The following EDEM3 variants were observed in gnomAD, a reference collection of about 807,000 sequenced individuals.
The protein encoded by EDEM3 is ER degradation-enhancing alpha-mannosidase-like protein 3.
Under a neutral mutation model 110.2 loss-of-function variants are expected in EDEM3, and 60 were observed. That is an observed-to-expected ratio of 0.54 (90% CI 0.44 to 0.67). The LOEUF is 0.67. Among genes scored for constraint, EDEM3 ranks in the 30% least tolerant of loss-of-function variants. EDEM3 has a pLI of 0.00. For synonymous variants in EDEM3, 352 were observed against 382.9 expected (o/e 0.92, Z 0.94); for missense variants, 996 against 1,121.0 (o/e 0.89, Z 1.59).
At chr1:184,730,178 C>A (rs1440183072) in intron 6 of EDEM3, among the ~76,000 whole-genome samples, 1 of 152,186 alleles carries the variant, frequency 6.6e-6, no homozygotes, top group Non-Finnish European at 1.5e-5. Flanking sequence ...AATTGGGCAA[C>A]AAGTACCTGA....
intron 18 of EDEM3, among the ~76,000 whole-genome samples, chr1:184,703,918 T>C (rs952299046): frequency 6.6e-6 from 1 of 152,132 alleles, no homozygotes; most frequent in Non-Finnish European, 1.5e-5. Context: ...ATGGCCATTT[T>C]GGAACTGAGG....
chr1:184,723,865 T>TTA lies in EDEM3; in HGVS notation c.748-10_748-9insTA, dbSNP rs1651041444. ...GCTTTTCTGGCATATTCCTGTAATTTAAAAAAAAAAAAAAAAAAAAGAAGT... is the reference window on the plus strand; with the variant it reads ...GCTTTTCTGGCATATTCCTGTAATTTTAAAAAAAAAAAAAAAAAAAAAGAAGT... On this transcript the variant is annotated splice_polypyrimidine_tract_variant and intron_variant, in intron 7 of 19. Transcript: ENST00000318130. 7.3e-6 allele frequency: 8 copies of TTA among 1,091,074 alleles called. No individual in the cohort carries two copies. In the East Asian group the frequency reaches 9.9e-5, roughly 13 times the overall value. 67.6% of individuals were successfully genotyped at this position (1,091,074 alleles called of 1,614,324 possible). A position where few individuals can be genotyped will look rare whatever the true frequency, so the allele number is the denominator to read the frequency against.
At position 184,711,731 on chromosome 1, in the gene EDEM3, G is replaced by A; in HGVS notation, c.1683C>T (p.Ile561=). ...AAAATAATACATCTTACACTCTGAT[G>A]ATGCCTCTAGGACAGCTCTTATCCA... ...NVVDKSCPRG[I]IRVEESFRSG... The change falls in exon 15 of 20, where the codon ATC becomes ATT. Residue 561 remains isoleucine (I), a synonymous_variant. Transcript: ENST00000318130. 2 of 1,597,624 alleles carry A rather than the reference G, an allele frequency of 1.3e-6. No individual in the cohort carries two copies. The highest frequency in any genetic ancestry group is 1.7e-6 in the Non-Finnish European group (2 of 1,174,640).
chr1:184,754,272 G>C (rs995091036), intron 1 of EDEM3, among the ~76,000 whole-genome samples: 1 of 152,142 alleles, frequency 6.6e-6, no homozygotes, highest in African/African-American at 2.4e-5. Flanking sequence ...CATGTCACCG[G>C]CGGCCAGGGC....
At chr1:184,724,050 T>C (rs774202221) in intron 7 of EDEM3, among the ~76,000 whole-genome samples, 194 bp from the exon 8 acceptor site, 1 of 151,990 alleles carries the variant, frequency 6.6e-6, no homozygotes, top group African/African-American at 2.4e-5. Context: ...AACCAATCAG[T>C]GTAGTTAGGA....
At chr1:184,732,223 G>T (rs975438768) in intron 6 of EDEM3, among the ~76,000 whole-genome samples, 5 of 151,960 alleles carry the variant, frequency 3.3e-5, no homozygotes, top group African/African-American at 1.2e-4. Context: ...GACAAATTTT[G>T]AATGTTCTTA....
At chr1:184,725,372 G>A (rs1047090427) in intron 7 of EDEM3, among the ~76,000 whole-genome samples, 1 of 152,064 alleles carries the variant, frequency 6.6e-6, no homozygotes, top group African/African-American at 2.4e-5. Context: ...ATCTGAGAGT[G>A]TAGTTATTAA....
chr1:184,738,380 C>A (rs1409457864), intron 2 of EDEM3, among the ~76,000 whole-genome samples: 1 of 152,140 alleles, frequency 6.6e-6, no homozygotes, highest in Non-Finnish European at 1.5e-5. Context: ...TACCCTGACT[C>A]CAGAGTCTAT....
intron 1 of EDEM3, 28 bp from the exon 2 acceptor site, chr1:184,749,620 A>G (rs1424969437): frequency 1.5e-5 from 12 of 801,894 alleles, no homozygotes; most frequent in South Asian, 3.3e-5. Context: ...GAAATGGAAA[A>G]AAAAAAAAAA....
intron 18 of EDEM3, among the ~76,000 whole-genome samples, chr1:184,705,265 G>A (rs1056011758): frequency 2.0e-5 from 3 of 152,140 alleles, no homozygotes; most frequent in African/African-American, 7.2e-5. Flanking sequence ...TGATAGTGAT[G>A]GTTAATATAA....
chr1:184,752,019 C>T (rs1223158185), intron 1 of EDEM3, among the ~76,000 whole-genome samples: 1 of 152,180 alleles, frequency 6.6e-6, no homozygotes, highest in Non-Finnish European at 1.5e-5. Flanking sequence ...TCCCAAAGTG[C>T]TGGGATTACA....
chr1:184,723,937 A>G (rs1185014869), intron 7 of EDEM3, 81 bp from the exon 8 acceptor site: 5 of 1,041,196 alleles, frequency 4.8e-6, no homozygotes, highest in African/African-American at 1.7e-5. Flanking sequence ...AAACTAACAA[A>G]CAAAACTCAA....
In EDEM3 at chr1:184,721,277, G is replaced by C. The variant is rs566082358; in HGVS notation, c.951+12C>G. Reference sequence around the variant, plus strand: ...GAAGTTGATTATAAAATATAAAATTGTATCAACTTACTGTGTTAAATCTTT... The same window carrying C: ...GAAGTTGATTATAAAATATAAAATTCTATCAACTTACTGTGTTAAATCTTT... On this transcript the variant is annotated intron_variant, in intron 9 of 19. Coordinates refer to ENST00000318130, the MANE Select transcript of EDEM3 (RefSeq NM_025191.4). 1.9e-6 allele frequency: 3 copies of C among 1,575,214 alleles called. No homozygotes were observed. The highest frequency in any genetic ancestry group is 1.2e-5 in the South Asian group (1 of 85,780).
chr1:184,698,056 G>A (rs112171916), intron 19 of EDEM3, among the ~76,000 whole-genome samples: 1 of 151,216 alleles, frequency 6.6e-6, no homozygotes, highest in Non-Finnish European at 1.5e-5. Context: ...ATTTAAAGAA[G>A]GCAAAATGCA....
chr1:184,718,171 T>C (rs1276456696), intron 11 of EDEM3, among the ~76,000 whole-genome samples: 2 of 152,072 alleles, frequency 1.3e-5, no homozygotes, highest in African/African-American at 4.8e-5. Flanking sequence ...TGTGTAAGCA[T>C]ACATATTTCA....
At chr1:184,711,209 C>G (rs912696469) in intron 15 of EDEM3, among the ~76,000 whole-genome samples, 1 of 152,090 alleles carries the variant, frequency 6.6e-6, no homozygotes, top group Non-Finnish European at 1.5e-5. Context: ...AGCGATTCTA[C>G]TGCCTCAGCT....
intron 15 of EDEM3, 101 bp downstream of exon 15, chr1:184,711,622 A>C (rs949221574): frequency 1.3e-5 from 14 of 1,092,002 alleles, no homozygotes; most frequent in African/African-American, 1.6e-5. Flanking sequence ...TTTTCGGCCT[A>C]TGTGAATGTC....
At chr1:184,715,525 T>C (rs890682650) in intron 13 of EDEM3, among the ~76,000 whole-genome samples, 1 of 152,144 alleles carries the variant, frequency 6.6e-6, no homozygotes, top group Admixed American at 6.5e-5. Flanking sequence ...TGTTTAATTA[T>C]TGTTCTTTAA....
intron 13 of EDEM3, among the ~76,000 whole-genome samples, chr1:184,714,112 C>T (rs768178849): frequency 2.0e-5 from 3 of 152,138 alleles, no homozygotes; most frequent in Non-Finnish European, 4.4e-5. Context: ...TGAGCAAATG[C>T]TATCTTGAGA....
Sources: gnomAD v4.1 joint callset for allele counts (sites outside exome capture counted in the v4.1 genomes callset) on GRCh38, gnomAD v4.1.1 for gene constraint, MANE v1.5 for transcripts, NCBI Gene and HGNC (gene_info 2026-07-23, HGNC 2026-07-21) for gene names.